CEP68: variants seen among roughly 807,000 people sequenced by gnomAD.
The protein encoded by CEP68 is centrosomal protein of 68 kDa.
Under a neutral mutation model 55.3 loss-of-function variants are expected in CEP68, and 26 were observed. The ratio of observed to expected loss-of-function variants is 0.47; its 90% CI spans 0.34 to 0.65. The LOEUF (loss-of-function observed/expected upper bound fraction) is 0.65, where lower values mean the gene tolerates loss of function less well. CEP68 is among the 30% of genes least tolerant of loss of function. The pLI is 0.01. For missense variants in CEP68, 957 were observed against 946.7 expected (o/e 1.01, Z -0.14); for synonymous variants, 402 against 383.2 (o/e 1.05, Z -0.57).
intron 1 of CEP68, among the ~76,000 whole-genome samples, chr2:65,061,360 C>G (rs1675907651): frequency 6.6e-6 from 1 of 152,120 alleles, no homozygotes; most frequent in South Asian, 2.1e-4. Flanking sequence ...CTACAGGGAC[C>G]CACTGGCTCC....
Position 65,072,644 on chromosome 2 carries a change from G to A in CEP68, c.1548G>A (p.Gln516=). The A allele has an allele frequency of 6.2e-7, 1 of 1,614,174 alleles. No homozygotes were observed. Among genetic ancestry groups the A allele is most frequent in the Non-Finnish European group, 8.5e-7 (1 of 1,180,026 alleles). Residue 516 remains glutamine (Q), a synonymous_variant, in exon 3 of 7, where the codon CAG becomes CAA. Coordinates refer to ENST00000377990, the MANE Select transcript of CEP68 (RefSeq NM_015147.3). ...VTLPTGDIKG[Q]SPLEVSDSDG... is the part of the protein sequence containing the mutation. ...TGCCCACTGGGGATATCAAAGGGCA[G>A]AGCCCCTTGGAAGTGTCAGACAGTG...
intron 4 of CEP68, 104 bp downstream of exon 4, chr2:65,074,508 C>T: frequency 6.7e-7 from 1 of 1,494,860 alleles, no homozygotes; most frequent in Non-Finnish European, 9.3e-7. Flanking sequence ...TATGTTATAG[C>T]TCAGTTGACT....
At position 65,078,314 on chromosome 2, in the gene CEP68, T is replaced by G. The variant is rs553691717; in HGVS notation, c.2104+350T>G. Among the ~76,000 whole-genome samples, 625 of 152,322 alleles carry G rather than the reference T, an allele frequency of 4.1e-3. 4 individuals carry two copies. Among genetic ancestry groups the G allele is most frequent in the African/African-American group, 0.013 (556 of 41,568 alleles). On this transcript the variant is annotated intron_variant, in intron 5 of 6. Transcript: ENST00000377990. ...ATCCTTAGTTTGTGGCTAGGGTATT[T>G]AGTGGGTATCCCTTTGGTTCCCCAC...
intron 1 of CEP68, among the ~76,000 whole-genome samples, chr2:65,058,942 A>G (rs991847958): frequency 6.6e-6 from 1 of 152,106 alleles, no homozygotes; most frequent in Non-Finnish European, 1.5e-5. Flanking sequence ...CCAAATAGCA[A>G]TTTGGCCAAG....
In CEP68 at chr2:65,065,354, G is replaced by C. The variant is rs116300764; in HGVS notation, c.-46-4045G>C. Among the ~76,000 whole-genome samples, 816 of 152,348 alleles carry C rather than the reference G, an allele frequency of 5.4e-3. 10 individuals are homozygous for C. The highest frequency in any genetic ancestry group is 0.018 in the African/African-American group (766 of 41,580). ...ATAACCCAAATGTCCACTAATAAGGGACTGGTGAAATAAACTAGTGCGTCC... is the reference window on the plus strand; with the variant it reads ...ATAACCCAAATGTCCACTAATAAGGCACTGGTGAAATAAACTAGTGCGTCC... On this transcript the variant is annotated intron_variant, in intron 1 of 6. Transcript: ENST00000377990.
chr2:65,068,678 T>C (rs939727854), intron 1 of CEP68, among the ~76,000 whole-genome samples: 2 of 151,848 alleles, frequency 1.3e-5, no homozygotes, highest in African/African-American at 2.4e-5. Flanking sequence ...AATAGAAAAA[T>C]TAGCCAGGCG....
rs147392467 is a variant in CEP68 at position 65,071,512 on chromosome 2, GAAC to G, written c.423_425del (p.Thr142del). 187,047 of 1,613,922 alleles carry G rather than the reference GAAC, an allele frequency of 0.12. 11,501 individuals are homozygous for G. The highest frequency in any genetic ancestry group is 0.12 in the Non-Finnish European group (147,448 of 1,179,860). On this transcript the variant is annotated inframe_deletion, in exon 3 of 7. Coordinates refer to ENST00000377990, the MANE Select transcript of CEP68 (RefSeq NM_015147.3). ...TTCCCTCAGACTCTGAGCCTTCCCA[GAAC>G]AACAACTATTTGCTCAGGACATGAT...
chr2:65,059,892 G>A (rs1032957824), intron 1 of CEP68, among the ~76,000 whole-genome samples: 2 of 152,052 alleles, frequency 1.3e-5, no homozygotes, highest in African/African-American at 4.8e-5. Context: ...GCTAACCCTA[G>A]TATCTACATT....
intron 1 of CEP68, among the ~76,000 whole-genome samples, chr2:65,068,172 C>A (rs1295661574): frequency 6.6e-6 from 1 of 152,198 alleles, no homozygotes; most frequent in Admixed American, 6.5e-5. Context: ...TCCGTTACCT[C>A]CCCTTCCACA....
Position 65,071,854 on chromosome 2 carries a change from T to A in CEP68, c.758T>A (p.Val253Glu), listed in dbSNP as rs1676480693. 1.9e-6 allele frequency: 3 copies of A among 1,606,454 alleles called. No individual in the cohort carries two copies. The highest frequency in any genetic ancestry group is 2.6e-6 in the Non-Finnish European group (3 of 1,175,858). ...CGGCCCCAGTGGTCACCACAGCCTG[T>A]GTTCTCTGGGGGTGATGCTTCTGGG... ...GPRPQWSPQPVFSGGDASGLG... is the reference protein window; with the variant it reads ...GPRPQWSPQPEFSGGDASGLG... The change falls in exon 3 of 7, where the codon GTG becomes GAG. Residue 253 changes from valine (V) to glutamate (E), a missense_variant. Coordinates refer to ENST00000377990, the MANE Select transcript of CEP68 (RefSeq NM_015147.3).
At position 65,079,026 on chromosome 2, in the gene CEP68, T is replaced by A. The variant is rs75215375; in HGVS notation, c.2104+1062T>A. 7.3e-3 allele frequency among the ~76,000 whole-genome samples: 1,109 copies of A among 152,326 alleles called. 13 individuals are homozygous for A. The highest frequency in any genetic ancestry group is 0.026 in the African/African-American group (1,060 of 41,560). ...GCTAAGAGAATGGTAGGGTAAAGCC[T>A]TGAACTGATGGCAGCCCCTAATTTC... On this transcript the variant is annotated intron_variant, in intron 5 of 6. Transcript: ENST00000377990.
At chr2:65,077,186 C>T (rs1355066388) in intron 4 of CEP68, among the ~76,000 whole-genome samples, 3 of 151,712 alleles carry the variant, frequency 2.0e-5, no homozygotes, top group East Asian at 1.9e-4. Context: ...TTAGTAGAGA[C>T]GGGGTTTCTC....
chr2:65,061,138 C>T (rs1366765592), intron 1 of CEP68, among the ~76,000 whole-genome samples: 2 of 151,952 alleles, frequency 1.3e-5, no homozygotes, highest in Admixed American at 6.6e-5. Context: ...CACCACTGCA[C>T]TCCAGCCTGG....
chr2:65,067,551 C>G (rs1474606932), intron 1 of CEP68, among the ~76,000 whole-genome samples: 6 of 152,044 alleles, frequency 3.9e-5, no homozygotes, highest in Admixed American at 3.9e-4. Flanking sequence ...CCATTTGGCT[C>G]CTTTGTCCTT....
At chr2:65,077,696 A>G (rs558726378) in intron 4 of CEP68, among the ~76,000 whole-genome samples, 172 bp from the exon 5 acceptor site, 2 of 152,320 alleles carry the variant, frequency 1.3e-5, no homozygotes, top group East Asian at 3.9e-4. Context: ...GGTTCAAAGA[A>G]GCTGAAGTTA....
chr2:65,078,646 A>G (rs1284311002), intron 5 of CEP68, among the ~76,000 whole-genome samples: 1 of 152,180 alleles, frequency 6.6e-6, no homozygotes, highest in Non-Finnish European at 1.5e-5. Context: ...GGTTCAAGTG[A>G]TTCTTCTGCC....
intron 5 of CEP68, among the ~76,000 whole-genome samples, chr2:65,079,182 G>A (rs1406054171): frequency 6.6e-6 from 1 of 152,212 alleles, no homozygotes; most frequent in East Asian, 1.9e-4. Context: ...GGGCTTGAGA[G>A]GCAATGAGGA....
chr2:65,081,134 C>T (rs1676989742), intron 5 of CEP68, among the ~76,000 whole-genome samples: 2 of 151,694 alleles, frequency 1.3e-5, no homozygotes, highest in Non-Finnish European at 2.9e-5. Flanking sequence ...TCGCTTGAAC[C>T]TGGGAGGCGG....
chr2:65,071,965 CCCCTCTCTGGAA>C lies in CEP68; in HGVS notation c.873_884del (p.Leu292_Pro295del), dbSNP rs764200784. 1 of 1,613,058 alleles carries C rather than the reference CCCCTCTCTGGAA, an allele frequency of 6.2e-7. No individual in the cohort carries two copies. Among genetic ancestry groups the C allele is most frequent in the South Asian group, 1.1e-5 (1 of 91,074 alleles). The stretch of plus-strand genomic sequence containing the variant: ...CTGCCTCCATCACCCGACCGCCACT[CCCCTCTCTGGAA>C]CCCAAATAAAGAGTATGAAGATCTG... On this transcript the variant is annotated inframe_deletion, in exon 3 of 7. Transcript: ENST00000377990.
Sources: gnomAD v4.1 joint callset for allele counts (sites outside exome capture counted in the v4.1 genomes callset) on GRCh38, gnomAD v4.1.1 for gene constraint, MANE v1.5 for transcripts, NCBI Gene and HGNC (gene_info 2026-07-23, HGNC 2026-07-21) for gene names.